Variants in KIF1B observed in about 807,000 individuals in gnomAD.
The protein encoded by KIF1B is kinesin-like protein KIF1B.
In KIF1B, 76 loss-of-function variants were observed where a neutral mutation model predicts 241.9. The ratio of observed to expected loss-of-function variants is 0.31; its 90% CI spans 0.26 to 0.38. KIF1B has a LOEUF of 0.38. Among genes scored for constraint, KIF1B ranks in the 10% least tolerant of loss-of-function variants. The pLI, the probability that KIF1B is intolerant of heterozygous loss-of-function variation, is 1.00. For synonymous variants in KIF1B, 750 were observed against 796.7 expected, an observed-to-expected ratio of 0.94 and a Z score of 0.99; for missense variants, 1,622 against 2,271.4, an observed-to-expected ratio of 0.71 and a Z score of 5.81.
intron 11 of KIF1B, 67 bp downstream of exon 11, chr1:10,275,570 C>G: frequency 1.1e-6 from 1 of 924,100 alleles, no homozygotes; most frequent in Non-Finnish European, 1.8e-6. Flanking sequence ...GTTAATTGTC[C>G]TGTGTCTGTT....
chr1:10,284,866 A>C (rs1013201686), intron 15 of KIF1B, among the ~76,000 whole-genome samples: 13 of 152,074 alleles, frequency 8.5e-5, no homozygotes, highest in African/African-American at 1.4e-4. Context: ...CATCTCAAAA[A>C]AAAAACAAAA....
intron 22 of KIF1B, chr1:10,305,886 A>G (rs1418104809): frequency 1.9e-6 from 2 of 1,052,848 alleles, no homozygotes; most frequent in Non-Finnish European, 2.3e-6. Context: ...AGAGCCAGAG[A>G]TGTCCGAAAT....
chr1:10,292,217 C>T lies in KIF1B; in HGVS notation c.1590+95C>T. 3 of 887,870 alleles carry T rather than the reference C, an allele frequency of 3.4e-6. No homozygotes were observed. The East Asian group carries it at 7.3e-5, about 22-fold the overall frequency. The allele number at this position is 887,870 out of a possible 1,614,324, so 55.0% of individuals were successfully genotyped here. ...TCATGTCTTTCAGGACCTACTCTCC[C>T]CCTTATTATCTTGATACTTGCCTTA... On this transcript the variant is annotated intron_variant, in intron 17 of 48. Coordinates refer to ENST00000676179, the MANE Select transcript of KIF1B (RefSeq NM_001365951.3).
intron 22 of KIF1B, among the ~76,000 whole-genome samples, chr1:10,317,970 A>G (rs1456892393): frequency 6.6e-6 from 1 of 151,594 alleles, no homozygotes; most frequent in African/African-American, 2.4e-5. Context: ...ATCTTTATTT[A>G]AAGATGAAGA....
At chr1:10,350,169 G>A (rs1652738499) in intron 37 of KIF1B, among the ~76,000 whole-genome samples, 1 of 151,414 alleles carries the variant, frequency 6.6e-6, no homozygotes, top group South Asian at 2.1e-4. Flanking sequence ...GGCGCCTGTA[G>A]TCCCAGGTAC....
intron 14 of KIF1B, among the ~76,000 whole-genome samples, chr1:10,279,689 CTTTTTTTTTTTTTTTTT>C (rs34983973): frequency 5.9e-5 from 4 of 67,624 alleles, no homozygotes; most frequent in Admixed American, 1.9e-4. Flanking sequence ...ACGTTTTTTC[CTTTTTTTTTTTTTTTTT>C]TTTTTTTTTT....
chr1:10,234,810 C>T lies in KIF1B; in HGVS notation c.106+2376C>T, dbSNP rs192105121. On this transcript the variant is annotated intron_variant, in intron 2 of 48. Transcript: ENST00000676179. ...GTGTTGGGATTGCAGGTATGAGCCA[C>T]TGTACCCAGCCTCCCTTAAAGAGTT... 1.7e-3 allele frequency among the ~76,000 whole-genome samples: 263 copies of T among 152,198 alleles called. 1 individual carries two copies. Among genetic ancestry groups the T allele is most frequent in the African/African-American group, 6.1e-3 (253 of 41,542 alleles).
Position 10,374,834 on chromosome 1 carries a change from T to C in KIF1B, c.5097-20T>C, listed in dbSNP as rs2102363216. ...TTTCTTTTTGTGAGAAACTAACTTTTGTCATATTGTCGTTTTTAGCTCAGT... is the reference window on the plus strand; with the variant it reads ...TTTCTTTTTGTGAGAAACTAACTTTCGTCATATTGTCGTTTTTAGCTCAGT... On this transcript the variant is annotated intron_variant, in intron 46 of 48. Coordinates refer to ENST00000676179, the MANE Select transcript of KIF1B (RefSeq NM_001365951.3). This position sits in a 1 kb window ranked among gnomAD's most constrained non-coding sequence, Gnocchi z 4.3. The C allele has an allele frequency of 1.2e-6, 2 of 1,612,326 alleles. No individual in the cohort carries two copies. Among genetic ancestry groups the C allele is most frequent in the Non-Finnish European group, 8.5e-7 (1 of 1,178,344 alleles).
intron 9 of KIF1B, 35 bp downstream of exon 9, chr1:10,272,341 T>C (rs1648845517): frequency 7.8e-7 from 1 of 1,287,620 alleles, no homozygotes. Flanking sequence ...GGGAGTTGTG[T>C]CTGTTCAGCA....
At chr1:10,261,158 G>A (rs1003979183) in intron 4 of KIF1B, among the ~76,000 whole-genome samples, 7 of 151,720 alleles carry the variant, frequency 4.6e-5, no homozygotes, top group African/African-American at 1.7e-4. Context: ...GTAGAGACGG[G>A]GTTTCACAAT....
At chr1:10,292,205 G>T in intron 17 of KIF1B, 83 bp downstream of exon 17, 2 of 977,296 alleles carry the variant, frequency 2.0e-6, no homozygotes, top group Non-Finnish European at 1.7e-6. Flanking sequence ...TGTCTTTCAG[G>T]ACCTACTCTC....
intron 5 of KIF1B, among the ~76,000 whole-genome samples, chr1:10,264,055 T>G (rs1379739589): frequency 6.6e-6 from 1 of 152,228 alleles, no homozygotes; most frequent in Non-Finnish European, 1.5e-5. Context: ...TCACACACTC[T>G]CAGTGAGGCT....
At chr1:10,281,846 T>TA (rs1439174425) in intron 14 of KIF1B, among the ~76,000 whole-genome samples, 1 of 152,258 alleles carries the variant, frequency 6.6e-6, no homozygotes, top group Non-Finnish European at 1.5e-5. Flanking sequence ...TTTGCTGAAT[T>TA]ACACGTAACA....
Position 10,378,427 on chromosome 1 carries a change from A to G in KIF1B, c.*1840A>G. On this transcript the variant is annotated 3_prime_UTR_variant, in exon 49 of 49. Transcript: ENST00000676179. ...AGTTTTCCAGGATGAGAGGGGAAAA[A>G]GAAAGCCTCCAGTGACTTCAGTTGC... 2 of 717,806 alleles carry G rather than the reference A, an allele frequency of 2.8e-6. No homozygotes were observed. The highest frequency in any genetic ancestry group is 2.3e-4 in the Middle Eastern group (1 of 4,376). 44.5% of individuals were successfully genotyped at this position (717,806 alleles called of 1,614,324 possible).
rs1639016215 is a variant in KIF1B at position 10,381,268 on chromosome 1, C to T, written c.*4681C>T. 4.4e-6 allele frequency: 1 copy of T among 226,238 alleles called. No homozygotes were observed. Among genetic ancestry groups the T allele is most frequent in the African/African-American group, 2.2e-5 (1 of 44,934 alleles). The allele number at this position is 226,238 out of a possible 1,614,324, so 14.0% of individuals were successfully genotyped here. A position where few individuals can be genotyped will look rare whatever the true frequency, so the allele number is the denominator to read the frequency against. On this transcript the variant is annotated 3_prime_UTR_variant, in exon 49 of 49. Transcript: ENST00000676179. ...CAAGTCTCTTGTCACCATCCTCACACATGACAACAAAACCCATAATGCATA... is the reference window on the plus strand; with the variant it reads ...CAAGTCTCTTGTCACCATCCTCACATATGACAACAAAACCCATAATGCATA...
rs754332251 is a variant in KIF1B at position 10,348,720 on chromosome 1, T to C, written c.3936T>C (p.Arg1312=). ...GCGAGCTCCATTGGAAAGATGTTCG[T>C]GAACTGGTGGTAGGTGAGTACGTTT... ...KGSELHWKDV[R]ELVVGRIRNK... The change falls in exon 37 of 49, where the codon CGT becomes CGC. Residue 1312 remains arginine (R), a synonymous_variant. Transcript: ENST00000676179. 23 of 1,613,550 alleles carry C rather than the reference T, an allele frequency of 1.4e-5. No homozygotes were observed. Among genetic ancestry groups the C allele is most frequent in the Non-Finnish European group, 1.8e-5 (21 of 1,179,720 alleles).
intron 22 of KIF1B, chr1:10,304,493 A>T (rs1382252621): frequency 1.2e-6 from 2 of 1,611,922 alleles, no homozygotes; most frequent in Non-Finnish European, 1.7e-6. Flanking sequence ...TACTGTAATT[A>T]TAACACTGGA....
chr1:10,272,061 C>T (rs1044255083), intron 8 of KIF1B, among the ~76,000 whole-genome samples, 180 bp from the exon 9 acceptor site: 1 of 152,134 alleles, frequency 6.6e-6, no homozygotes, highest in African/African-American at 2.4e-5. Flanking sequence ...GTGAGTTAGG[C>T]ATGTGGTCTC....
intron 6 of KIF1B, 25 bp downstream of exon 6, chr1:10,267,583 C>A (rs765607988): frequency 1.2e-6 from 2 of 1,612,298 alleles, no homozygotes; most frequent in Non-Finnish European, 8.5e-7. Flanking sequence ...AGAGTAATGA[C>A]TGAGGTCTTT....
Sources: gnomAD v4.1 joint callset for allele counts (sites outside exome capture counted in the v4.1 genomes callset) on GRCh38, gnomAD v4.1.1 for gene constraint, Gnocchi (gnomAD v3.1) non-coding constraint, MANE v1.5 for transcripts, NCBI Gene and HGNC (gene_info 2026-07-23, HGNC 2026-07-21) for gene names.